Variants in TTC21B observed in about 807,000 individuals in gnomAD.
TTC21B encodes the protein tetratricopeptide repeat domain 21B.
In TTC21B, 127 loss-of-function variants were observed where a neutral mutation model predicts 175.1. The observed-to-expected ratio is 0.73, with a 90% CI of 0.63 to 0.84. TTC21B has a LOEUF of 0.84. Among genes scored for constraint, TTC21B ranks in the 40% least tolerant of loss-of-function variants. TTC21B has a pLI of 0.00. For synonymous variants in TTC21B, 524 were observed against 524.5 expected, an observed-to-expected ratio of 1.00 and a Z score of 0.01; for missense variants, 1,561 against 1,558.3, an observed-to-expected ratio of 1.00 and a Z score of -0.03.
At chr2:165,920,411 G>C (rs1686343163) in intron 12 of TTC21B, among the ~76,000 whole-genome samples, 1 of 152,128 alleles carries the variant, frequency 6.6e-6, no homozygotes, top group Non-Finnish European at 1.5e-5. Context: ...ATAGCATAAT[G>C]ACTTACTAAA....
At chr2:165,945,496 A>G in intron 4 of TTC21B, 28 bp downstream of exon 4, 1 of 1,596,142 alleles carries the variant, frequency 6.3e-7, no homozygotes, top group Middle Eastern at 1.7e-4. Context: ...TTTTAATGTT[A>G]TTATTTTAAA....
chr2:165,913,504 T>C, intron 16 of TTC21B, 70 bp downstream of exon 16: 1 of 1,006,880 alleles, frequency 9.9e-7, no homozygotes, highest in Non-Finnish European at 1.6e-6. Context: ...AAACATTCCT[T>C]TTAATAGGAA....
At chr2:165,921,349 T>A (rs1165070514) in intron 12 of TTC21B, among the ~76,000 whole-genome samples, 1 of 152,090 alleles carries the variant, frequency 6.6e-6, no homozygotes, top group African/African-American at 2.4e-5. Context: ...TTGTCACACA[T>A]TGACATGTCA....
intron 7 of TTC21B, among the ~76,000 whole-genome samples, chr2:165,932,352 C>T (rs1165421340): frequency 1.3e-5 from 2 of 152,118 alleles, no homozygotes; most frequent in Non-Finnish European, 2.9e-5. Context: ...TACTAAGATA[C>T]TCCTAGCATT....
chr2:165,921,266 C>T (rs770977039), intron 12 of TTC21B, among the ~76,000 whole-genome samples: 1 of 152,040 alleles, frequency 6.6e-6, no homozygotes, highest in Non-Finnish European at 1.5e-5. Flanking sequence ...TAATCCATGC[C>T]TATTTAATGA....
intron 27 of TTC21B, among the ~76,000 whole-genome samples, 154 bp from the exon 28 acceptor site, chr2:165,876,386 A>G (rs1005755899): frequency 2.6e-5 from 4 of 152,228 alleles, no homozygotes; most frequent in African/African-American, 9.6e-5. Flanking sequence ...GTTGTGTGAT[A>G]ATAGAAGACA....
chr2:165,883,781 T>A lies in TTC21B; in HGVS notation c.3684+13A>T, dbSNP rs369153870. ...AAAGGTCAATAATTATTTTTTACTCTTCAATCACCTACTCTATTATGACGC... is the reference window on the plus strand; with the variant it reads ...AAAGGTCAATAATTATTTTTTACTCATCAATCACCTACTCTATTATGACGC... On this transcript the variant is annotated intron_variant, in intron 26 of 28. Transcript: ENST00000243344. 2 of 1,602,624 alleles carry A rather than the reference T, an allele frequency of 1.2e-6. No individual in the cohort carries two copies. Among genetic ancestry groups the A allele is most frequent in the Admixed American group, 3.3e-5 (2 of 60,000 alleles).
intron 12 of TTC21B, 59 bp downstream of exon 12, chr2:165,924,490 A>T: frequency 6.5e-7 from 1 of 1,533,562 alleles, no homozygotes; most frequent in Non-Finnish European, 9.0e-7. Flanking sequence ...TAATTTATTT[A>T]CGCTTGTTTT....
intron 4 of TTC21B, among the ~76,000 whole-genome samples, chr2:165,944,569 G>T (rs1269835325): frequency 3.3e-5 from 5 of 152,058 alleles, no homozygotes; most frequent in African/African-American, 7.2e-5. Context: ...CTTCATCCAA[G>T]AAACCATTGT....
At chr2:165,940,538 C>T (rs184523518) in intron 6 of TTC21B, among the ~76,000 whole-genome samples, 18 of 152,274 alleles carry the variant, frequency 1.2e-4, no homozygotes, top group Middle Eastern at 3.4e-3. Context: ...TCTGCATTTG[C>T]TTTTCCTTCT....
At chr2:165,877,875 C>A (rs1019328285) in intron 27 of TTC21B, among the ~76,000 whole-genome samples, 1 of 152,050 alleles carries the variant, frequency 6.6e-6, no homozygotes, top group African/African-American at 2.4e-5. Flanking sequence ...TCATTACCAA[C>A]AAATTCTAAA....
intron 15 of TTC21B, among the ~76,000 whole-genome samples, chr2:165,914,085 A>C (rs1159814002): frequency 6.6e-6 from 1 of 152,170 alleles, no homozygotes; most frequent in Non-Finnish European, 1.5e-5. Flanking sequence ...AAAATACAAA[A>C]TCTTCTATTT....
chr2:165,923,557 G>A (rs1686501107), intron 12 of TTC21B, among the ~76,000 whole-genome samples: 1 of 148,556 alleles, frequency 6.7e-6, no homozygotes, highest in South Asian at 2.1e-4. Context: ...CCATTCTCCT[G>A]CCTCAGCCTC....
chr2:165,901,686 A>G, intron 20 of TTC21B, 36 bp downstream of exon 20: 1 of 1,575,022 alleles, frequency 6.3e-7, no homozygotes, highest in Non-Finnish European at 8.7e-7. Context: ...AGACATCTGG[A>G]ATAAAAGGTA....
intron 25 of TTC21B, 103 bp downstream of exon 25, chr2:165,888,176 G>C (rs1685071860): frequency 3.2e-6 from 3 of 925,326 alleles, no homozygotes; most frequent in Non-Finnish European, 5.1e-6. Context: ...TAAAAGTTAA[G>C]TAATTAAGTC....
chr2:165,950,614 G>GGTTT (rs1279346580), intron 1 of TTC21B, among the ~76,000 whole-genome samples: 1 of 152,116 alleles, frequency 6.6e-6, no homozygotes, highest in Non-Finnish European at 1.5e-5. Flanking sequence ...AGACAGCTCT[G>GGTTT]GTTTGTTTGT....
intron 19 of TTC21B, among the ~76,000 whole-genome samples, chr2:165,902,392 T>C (rs1470437073): frequency 6.6e-6 from 1 of 152,250 alleles, no homozygotes; most frequent in Non-Finnish European, 1.5e-5. Context: ...AATGATTCAC[T>C]AGTGAATGCA....
chr2:165,914,156 G>A (rs1559055567), intron 15 of TTC21B, among the ~76,000 whole-genome samples: 1 of 152,122 alleles, frequency 6.6e-6, no homozygotes, highest in Non-Finnish European at 1.5e-5. Flanking sequence ...AATTACCAAA[G>A]TTATTGAAAT....
intron 18 of TTC21B, among the ~76,000 whole-genome samples, 170 bp from the exon 19 acceptor site, chr2:165,907,954 A>C (rs1389463616): frequency 6.6e-6 from 1 of 151,658 alleles, no homozygotes; most frequent in African/African-American, 2.4e-5. Flanking sequence ...AAAAAAAAAA[A>C]GAAAAGATTT....
Sources: allele counts gnomAD v4.1 joint callset (sites outside exome capture counted in the v4.1 genomes callset), GRCh38; gene constraint gnomAD v4.1.1; transcripts MANE v1.5; gene names NCBI Gene and HGNC (gene_info 2026-07-23, HGNC 2026-07-21).